Variants in B4GALT4 observed in about 807,000 individuals in gnomAD.
The protein encoded by B4GALT4 is beta-1,4-galactosyltransferase 4.
B4GALT4 carries 27 observed loss-of-function variants against 37.3 expected under a neutral mutation model. That is an observed-to-expected ratio of 0.72 (90% confidence interval 0.53 to 1.00). The LOEUF is 1.00. B4GALT4 is among the 50% of genes least tolerant of loss of function. B4GALT4 has a pLI of 0.00. For synonymous variants in B4GALT4, 148 were observed against 154.1 expected (o/e 0.96, Z 0.29); for missense variants, 372 against 413.1 (o/e 0.90, Z 0.86).
chr3:119,232,146 G>A (rs931329087), intron 2 of B4GALT4, among the ~76,000 whole-genome samples: 1 of 152,028 alleles, frequency 6.6e-6, no homozygotes, highest in East Asian at 1.9e-4. Context: ...GAAAAGGGAG[G>A]TTAGTTCTTG....
chr3:119,224,363 C>T, intron 4 of B4GALT4, 118 bp from the exon 5 acceptor site: 1 of 673,306 alleles, frequency 1.5e-6, no homozygotes, highest in Non-Finnish European at 2.3e-6. Flanking sequence ...CGAGACTACA[C>T]TTGTGACATA....
In B4GALT4 at chr3:119,218,883, C is replaced by A. The variant is rs535634763; in HGVS notation, c.675-111G>T. Reference sequence around the variant, plus strand: ...GAGACCATGTACTTCCACCCACCCACTCCTGCTTCTCCTGCTTGACACCCA... The same window carrying A: ...GAGACCATGTACTTCCACCCACCCAATCCTGCTTCTCCTGCTTGACACCCA... On this transcript the variant is annotated intron_variant, in intron 5 of 7. Coordinates refer to ENST00000393765, the MANE Select transcript of B4GALT4 (RefSeq NM_003778.4). 979 of 1,224,562 alleles carry A rather than the reference C, an allele frequency of 8.0e-4. 2 individuals are homozygous for A. Among genetic ancestry groups the A allele is most frequent in the Non-Finnish European group, 1.0e-3 (907 of 873,568 alleles). 75.9% of individuals were successfully genotyped at this position (1,224,562 alleles called of 1,614,324 possible).
chr3:119,239,231 TAGG>T (rs1014835451), intron 1 of B4GALT4, among the ~76,000 whole-genome samples: 12 of 148,580 alleles, frequency 8.1e-5, no homozygotes, highest in Admixed American at 6.8e-4. Flanking sequence ...GAGGCTGAGG[TAGG>T]AGAATTGCTT....
chr3:119,218,560 C>A, intron 6 of B4GALT4, 90 bp downstream of exon 6: 2 of 1,556,614 alleles, frequency 1.3e-6, no homozygotes, highest in South Asian at 1.2e-5. Context: ...ACCTGCTGGA[C>A]TGGCATCTAA....
chr3:119,223,103 C>T (rs1439802661), intron 5 of B4GALT4, among the ~76,000 whole-genome samples: 1 of 152,224 alleles, frequency 6.6e-6, no homozygotes, highest in Non-Finnish European at 1.5e-5. Context: ...TCTCTCCTGC[C>T]TTCTTCTTCC....
rs575802806 is a variant in B4GALT4, at chr3:119,224,161, T to A, written c.571A>T (p.Ile191Leu). 6.2e-7 allele frequency: 1 copy of A among 1,614,098 alleles called. No individual in the cohort carries two copies. Among genetic ancestry groups the A allele is most frequent in the Admixed American group, 1.7e-5 (1 of 60,008 alleles). ...ALKEENWDCFIFHDVDLVPEN... is the reference protein window; with the variant it reads ...ALKEENWDCFLFHDVDLVPEN... Reference sequence around the variant, plus strand: ...GGTACCAGGTCCACATCGTGGAATATAAAGCAGTCCCAATTTTCTTCCTTG... The same window carrying A: ...GGTACCAGGTCCACATCGTGGAATAAAAAGCAGTCCCAATTTTCTTCCTTG... Residue 191 changes from isoleucine to leucine, a missense_variant, in exon 5 of 8, where the codon ATA (isoleucine) becomes TTA (leucine). Physicochemically the swap from Ile to Leu is conservative, Grantham distance 5. Transcript: ENST00000393765.
At chr3:119,217,659 G>C (rs111833980) in intron 6 of B4GALT4, among the ~76,000 whole-genome samples, 82 of 152,120 alleles carry the variant, frequency 5.4e-4, no homozygotes, top group African/African-American at 1.9e-3. Flanking sequence ...TGGCCAATAT[G>C]GTGAAACCTG....
intron 1 of B4GALT4, among the ~76,000 whole-genome samples, chr3:119,237,712 A>G (rs1265178564): frequency 6.6e-6 from 1 of 152,260 alleles, no homozygotes; most frequent in African/African-American, 2.4e-5. Flanking sequence ...ATGAGATTTT[A>G]AAAATGTATT....
chr3:119,211,866 A>G lies in B4GALT4; in HGVS notation c.*683T>C. 2.7e-6 allele frequency: 1 copy of G among 366,284 alleles called. No individual in the cohort carries two copies. The highest frequency in any genetic ancestry group is 4.1e-5 in the East Asian group (1 of 24,176). The allele number at this position is 366,284 out of a possible 1,614,324, so 22.7% of individuals were successfully genotyped here. ...ATCATTTTACAAAAACTCTTTAAAA[A>G]CTAATAGAGAATGTATTCTCTGGTG... On this transcript the variant is annotated 3_prime_UTR_variant, in exon 8 of 8. Transcript: ENST00000393765.
intron 5 of B4GALT4, among the ~76,000 whole-genome samples, chr3:119,223,562 G>C (rs901014144): frequency 4.1e-4 from 63 of 152,092 alleles, no homozygotes; most frequent in African/African-American, 1.4e-3. Context: ...AAATGAACTT[G>C]TCCTGGGTGT....
At chr3:119,229,735 G>A in intron 3 of B4GALT4, 112 bp downstream of exon 3, 6 of 1,141,030 alleles carry the variant, frequency 5.3e-6, no homozygotes, top group Non-Finnish European at 7.3e-6. Flanking sequence ...TGTGACACAG[G>A]AGATATATAT....
At chr3:119,226,274 T>G (rs12488261) in intron 4 of B4GALT4, among the ~76,000 whole-genome samples, 1 of 152,186 alleles carries the variant, frequency 6.6e-6, no homozygotes, top group Non-Finnish European at 1.5e-5. Context: ...CTTCTGGAAG[T>G]CAAATAGATG....
Position 119,211,849 on chromosome 3 carries a change from A to G in B4GALT4, c.*700T>C. 3.1e-6 allele frequency: 1 copy of G among 324,910 alleles called. No individual in the cohort carries two copies. Among genetic ancestry groups the G allele is most frequent in the East Asian group, 5.0e-5 (1 of 20,152 alleles). The allele number at this position is 324,910 out of a possible 1,614,324, so 20.1% of individuals were successfully genotyped here. A position where few individuals can be genotyped will look rare whatever the true frequency, so the allele number is the denominator to read the frequency against. ...TATCCTACTTGTACAAAATCATTTT[A>G]CAAAAACTCTTTAAAAACTAATAGA... On this transcript the variant is annotated 3_prime_UTR_variant, in exon 8 of 8. Coordinates refer to ENST00000393765, the MANE Select transcript of B4GALT4 (RefSeq NM_003778.4).
chr3:119,214,624 A>G (rs1164927877), intron 7 of B4GALT4: 1 of 152,210 alleles, frequency 6.6e-6, no homozygotes, highest in Non-Finnish European at 1.5e-5. Context: ...GGAAACACCA[A>G]GTCATTAGTC....
intron 2 of B4GALT4, among the ~76,000 whole-genome samples, chr3:119,231,151 C>T (rs1182120362): frequency 6.6e-6 from 1 of 152,148 alleles, no homozygotes; most frequent in African/African-American, 2.4e-5. Flanking sequence ...TAAATTGCCA[C>T]TCTGATTTCA....
chr3:119,226,103 C>G (rs9881379), intron 4 of B4GALT4, among the ~76,000 whole-genome samples: 1 of 150,910 alleles, frequency 6.6e-6, no homozygotes, highest in Non-Finnish European at 1.5e-5. Context: ...CCAAGGATAA[C>G]TGTGAAAAGT....
Position 119,211,985 on chromosome 3 carries a change from T to A in B4GALT4, c.*564A>T, listed in dbSNP as rs1252918419. The stretch of plus-strand genomic sequence containing the variant: ...CTACTGCTGCCTTTGCAGCCGACAC[T>A]CCACCCTCCTGCTACCTCTTCATTC... On this transcript the variant is annotated 3_prime_UTR_variant, in exon 8 of 8. Coordinates refer to ENST00000393765, the MANE Select transcript of B4GALT4 (RefSeq NM_003778.4). The A allele has an allele frequency of 5.2e-6, 3 of 582,520 alleles. No individual in the cohort carries two copies. The Admixed American group carries it at 8.7e-5, about 17-fold the overall frequency. 36.1% of individuals were successfully genotyped at this position (582,520 alleles called of 1,614,324 possible). A position where few individuals can be genotyped will look rare whatever the true frequency, so the allele number is the denominator to read the frequency against.
chr3:119,212,616 T>C lies in B4GALT4; in HGVS notation c.968A>G (p.Lys323Arg). Residue 323 changes from lysine to arginine, a missense_variant, in exon 8 of 8, where the codon AAA (lysine) becomes AGA (arginine). Lys to Arg is a conservative substitution (Grantham distance 26, BLOSUM62 2). Transcript: ENST00000393765. ...RTDGLSSCSY[K>R]LVSVEHNPLY... The stretch of plus-strand genomic sequence containing the variant: ...AGGATTGTGTTCCACAGATACTAAT[T>C]TATAAGAACAACTACTCAACCCATC... The C allele has an allele frequency of 6.2e-7, 1 of 1,613,178 alleles. No homozygotes were observed. Among genetic ancestry groups the C allele is most frequent in the Non-Finnish European group, 8.5e-7 (1 of 1,179,656 alleles).
At chr3:119,230,830 C>T (rs186880994) in intron 2 of B4GALT4, among the ~76,000 whole-genome samples, 1 of 152,194 alleles carries the variant, frequency 6.6e-6, no homozygotes, top group Non-Finnish European at 1.5e-5. Flanking sequence ...TATGAGAATC[C>T]CAAACAGGAG....
Sources: gnomAD v4.1 joint callset for allele counts (sites outside exome capture counted in the v4.1 genomes callset) on GRCh38, gnomAD v4.1.1 for gene constraint, MANE v1.5 for transcripts, NCBI Gene and HGNC (gene_info 2026-07-23, HGNC 2026-07-21) for gene names.